The following COL28A1 variants were observed in gnomAD, a reference collection of about 807,000 sequenced individuals.
COL28A1 encodes collagen alpha-1(XXVIII) chain.
COL28A1 carries 161 observed loss-of-function variants against 150.2 expected under a neutral mutation model. The observed-to-expected ratio is 1.07, with a 90% CI of 0.94 to 1.22. The LOEUF (loss-of-function observed/expected upper bound fraction) is 1.22, where lower values mean the gene tolerates loss of function less well. Among genes scored for constraint, COL28A1 ranks in the 50% most tolerant of loss-of-function variants. The pLI is 0.00. For missense variants in COL28A1, 1,617 were observed against 1,388.3 expected, an observed-to-expected ratio of 1.16 and a Z score of -2.62; for synonymous variants, 552 against 469.7, an observed-to-expected ratio of 1.18 and a Z score of -2.26.
rs140110400 is a variant in COL28A1, at chr7:7,401,390, A to C, written c.2136+16469T>G. 5.6e-3 allele frequency among the ~76,000 whole-genome samples: 849 copies of C among 152,248 alleles called. 6 individuals are homozygous for C. Among genetic ancestry groups the C allele is most frequent in the African/African-American group, 0.02 (811 of 41,544 alleles). The stretch of plus-strand genomic sequence containing the variant: ...ATCTCTTGTCCTGACCTCTCCCCTG[A>C]ACTCCAGATTTCTATCCCCAAATAC... On this transcript the variant is annotated intron_variant, in intron 27 of 34. Coordinates refer to ENST00000399429, the MANE Select transcript of COL28A1 (RefSeq NM_001037763.3).
chr7:7,536,588 T>A (rs1365465029), upstream of COL28A1, among the ~76,000 whole-genome samples: 1 of 152,188 alleles, frequency 6.6e-6, no homozygotes, highest in Non-Finnish European at 1.5e-5. Flanking sequence ...TAAGTCAATG[T>A]TTATCATGTA....
chr7:7,380,118 A>G (rs1051525000), intron 30 of COL28A1, among the ~76,000 whole-genome samples: 1 of 152,066 alleles, frequency 6.6e-6, no homozygotes, highest in Admixed American at 6.6e-5. Context: ...TTTGCCTTCC[A>G]CTCATGAGAC....
chr7:7,466,406 A>G (rs1788085135), intron 15 of COL28A1, among the ~76,000 whole-genome samples: 2 of 138,296 alleles, frequency 1.4e-5, no homozygotes, highest in Non-Finnish European at 3.1e-5. Context: ...AGTTTAGAGA[A>G]AAAAGAATAA....
chr7:7,400,056 C>G (rs928802454), intron 27 of COL28A1, among the ~76,000 whole-genome samples: 2 of 152,226 alleles, frequency 1.3e-5, no homozygotes, highest in African/African-American at 4.8e-5. Context: ...TCAGATTACT[C>G]TTCTCTTTTC....
At chr7:7,385,545 C>T (rs184483634) in intron 27 of COL28A1, among the ~76,000 whole-genome samples, 12 of 151,664 alleles carry the variant, frequency 7.9e-5, no homozygotes, top group Admixed American at 7.9e-4. Context: ...ATTTCTTTTG[C>T]AATATTTCAG....
intron 27 of COL28A1, among the ~76,000 whole-genome samples, chr7:7,399,010 T>C (rs1252290247): frequency 6.6e-6 from 1 of 152,222 alleles, no homozygotes; most frequent in Non-Finnish European, 1.5e-5. Flanking sequence ...ACCTTAGTCA[T>C]AGAATCTCCA....
In COL28A1 at chr7:7,373,406, T is replaced by C. The variant is rs1164790725; in HGVS notation, c.2500A>G (p.Thr834Ala). The C allele has an allele frequency of 3.1e-6, 5 of 1,614,040 alleles. No homozygotes were observed. The Admixed American group carries it at 8.3e-5, about 27-fold the overall frequency. The change falls in exon 32 of 35, where the codon ACG (threonine) becomes GCG (alanine). Residue 834 changes from threonine to alanine, a missense_variant. Physicochemically the swap from Thr to Ala is moderately conservative, Grantham distance 58. Coordinates refer to ENST00000399429, the MANE Select transcript of COL28A1 (RefSeq NM_001037763.3). The surrounding 1 kb of genome is among the most constrained non-coding windows in gnomAD (Gnocchi z 4.1). ...TAGTTGATTATGCCTATGCGGGCCG[T>C]GGCAAGGTCCAGAGCAACCCGGTCA... Reference protein sequence around the residue: ...MADRVALDLATARIGIINYSH... With the variant: ...MADRVALDLAAARIGIINYSH...
intron 9 of COL28A1, 35 bp from the exon 10 acceptor site, chr7:7,507,196 T>C: frequency 1.1e-6 from 1 of 907,588 alleles, no homozygotes; most frequent in Non-Finnish European, 1.8e-6. Context: ...TCTCTCTAAA[T>C]ATACATCTTC....
chr7:7,490,413 C>A (rs994380201), intron 12 of COL28A1, among the ~76,000 whole-genome samples, 165 bp downstream of exon 12: 1 of 152,200 alleles, frequency 6.6e-6, no homozygotes, highest in Admixed American at 6.5e-5. Flanking sequence ...GTGGTAACTG[C>A]CCCTGACAAG....
chr7:7,365,078 G>A (rs185472908), intron 33 of COL28A1, among the ~76,000 whole-genome samples: 29 of 152,004 alleles, frequency 1.9e-4, no homozygotes, highest in Non-Finnish European at 4.0e-4. Flanking sequence ...CAACACAAAC[G>A]ACTGGCAGAA....
At chr7:7,410,903 C>A (rs1783753632) in intron 27 of COL28A1, among the ~76,000 whole-genome samples, 1 of 151,996 alleles carries the variant, frequency 6.6e-6, no homozygotes, top group African/African-American at 2.4e-5. Flanking sequence ...ATTCCTTTTT[C>A]CCCCTTAAGT....
Position 7,477,103 on chromosome 7 carries a change from T to C in COL28A1, c.1233+9A>G. 9.3e-7 allele frequency: 1 copy of C among 1,071,778 alleles called. No homozygotes were observed. Among genetic ancestry groups the C allele is most frequent in the South Asian group, 1.2e-5 (1 of 80,434 alleles). The allele number at this position is 1,071,778 out of a possible 1,614,324, so 66.4% of individuals were successfully genotyped here. ...AAGCACCTTTTCCTGGTACAGAAGG[T>C]ATTGTTACCTTTGGTCCTGGAAATC... On this transcript the variant is annotated intron_variant, in intron 14 of 34. Transcript: ENST00000399429.
chr7:7,498,081 T>C (rs1295860973), intron 11 of COL28A1, among the ~76,000 whole-genome samples: 1 of 152,226 alleles, frequency 6.6e-6, no homozygotes, highest in Non-Finnish European at 1.5e-5. Context: ...TTAGTAACTC[T>C]TAACTCACCT....
At chr7:7,465,162 G>C (rs1053591622) in intron 15 of COL28A1, among the ~76,000 whole-genome samples, 1 of 150,414 alleles carries the variant, frequency 6.6e-6, no homozygotes, top group African/African-American at 2.4e-5. Context: ...CGACGCAGAA[G>C]ACGGGTGATT....
intron 33 of COL28A1, among the ~76,000 whole-genome samples, chr7:7,366,971 T>C (rs2008079): frequency 0.62 from 93,928 of 151,578 alleles, 32,937 homozygotes; most frequent in East Asian, 0.86. Flanking sequence ...TATGTGTGTG[T>C]GTGTGCGCGC....
intron 27 of COL28A1, among the ~76,000 whole-genome samples, chr7:7,408,946 C>T (rs891562682): frequency 5.3e-5 from 8 of 152,124 alleles, no homozygotes; most frequent in South Asian, 4.1e-4. Flanking sequence ...TACTCCCTAA[C>T]GCATGATTAC....
At chr7:7,413,913 A>G (rs1428683691) in intron 27 of COL28A1, among the ~76,000 whole-genome samples, 2 of 152,184 alleles carry the variant, frequency 1.3e-5, no homozygotes, top group African/African-American at 4.8e-5. Context: ...TACCTCACAA[A>G]GTCTTTAAAG....
intron 34 of COL28A1, among the ~76,000 whole-genome samples, chr7:7,360,010 T>C (rs1429800740): frequency 4.6e-5 from 7 of 152,196 alleles, no homozygotes; most frequent in African/African-American, 1.7e-4. Context: ...TTCTCTTTCC[T>C]GTGCAATAAA....
intron 13 of COL28A1, among the ~76,000 whole-genome samples, chr7:7,487,473 G>A (rs1180825726): frequency 6.6e-6 from 1 of 152,070 alleles, no homozygotes; most frequent in Non-Finnish European, 1.5e-5. Flanking sequence ...AGCTACTCGG[G>A]AGGCTGAGGC....
Sources: gnomAD v4.1 joint callset for allele counts (sites outside exome capture counted in the v4.1 genomes callset) on GRCh38, gnomAD v4.1.1 for gene constraint, Gnocchi (gnomAD v3.1) non-coding constraint, MANE v1.5 for transcripts, NCBI Gene and HGNC (gene_info 2026-07-23, HGNC 2026-07-21) for gene names.